Variants in ATXN1 observed in about 807,000 individuals in gnomAD.
ATXN1 encodes the protein ataxin 1, also known as ataxin-1.
Under a neutral mutation model 56.4 loss-of-function variants are expected in ATXN1, and 8 were observed. The observed-to-expected ratio is 0.14, with a 90% confidence interval of 0.08 to 0.26. The LOEUF (loss-of-function observed/expected upper bound fraction) is 0.26, where lower values mean the gene tolerates loss of function less well. Ranked by LOEUF, ATXN1 falls within the 10% of genes least tolerant of loss-of-function variation. ATXN1 has a pLI of 1.00. For synonymous variants in ATXN1, 514 were observed against 494.6 expected (o/e 1.04, Z -0.52); for missense variants, 987 against 1,106.5 (o/e 0.89, Z 1.53).
At chr6:16,448,834 A>G (rs953224294) in intron 6 of ATXN1, among the ~76,000 whole-genome samples, 1 of 152,220 alleles carries the variant, frequency 6.6e-6, no homozygotes, top group African/African-American at 2.4e-5. Context: ...AGCAGAGATC[A>G]AGCTTTTTTG....
At chr6:16,584,662 A>G (rs1183165905) in intron 4 of ATXN1, among the ~76,000 whole-genome samples, 2 of 148,396 alleles carry the variant, frequency 1.3e-5, no homozygotes, top group South Asian at 4.2e-4. Flanking sequence ...CCCAAAATAC[A>G]TGGAAACACC....
intron 6 of ATXN1, among the ~76,000 whole-genome samples, chr6:16,402,928 C>T (rs528718206): frequency 7.2e-5 from 11 of 152,202 alleles, no homozygotes; most frequent in African/African-American, 2.2e-4. Context: ...TTCACGAACT[C>T]CAAAACCTTC....
chr6:16,591,141 G>A (rs1163530031), intron 3 of ATXN1, among the ~76,000 whole-genome samples: 1 of 151,906 alleles, frequency 6.6e-6, no homozygotes, highest in Non-Finnish European at 1.5e-5. Flanking sequence ...TTTTTTAGTA[G>A]AGACAGGGTC....
At chr6:16,635,213 T>C (rs1274971369) in intron 3 of ATXN1, among the ~76,000 whole-genome samples, 2 of 152,216 alleles carry the variant, frequency 1.3e-5, no homozygotes, top group East Asian at 3.8e-4. Context: ...CCTGATGATC[T>C]GTCACTGTCT....
At chr6:16,516,138 A>G (rs192827578) in intron 5 of ATXN1, among the ~76,000 whole-genome samples, 4 of 152,294 alleles carry the variant, frequency 2.6e-5, no homozygotes, top group Middle Eastern at 6.8e-3. Flanking sequence ...CACCATAGCT[A>G]ATTAATGTTA....
At chr6:16,627,656 G>C (rs1016197228) in intron 3 of ATXN1, among the ~76,000 whole-genome samples, 2 of 152,162 alleles carry the variant, frequency 1.3e-5, no homozygotes, top group Non-Finnish European at 2.9e-5. Context: ...GAACCTGGGA[G>C]GCAGAGGCTG....
chr6:16,437,894 C>A (rs1759426598), intron 6 of ATXN1, among the ~76,000 whole-genome samples: 1 of 152,160 alleles, frequency 6.6e-6, no homozygotes, highest in African/African-American at 2.4e-5. Flanking sequence ...GAAGAGGGTG[C>A]CACACTAATT....
intron 2 of ATXN1, among the ~76,000 whole-genome samples, chr6:16,690,241 C>T (rs1223619799): frequency 6.6e-6 from 1 of 151,942 alleles, no homozygotes; most frequent in Non-Finnish European, 1.5e-5. Context: ...ACTGTTTTTG[C>T]TCTGATTGGG....
intron 6 of ATXN1, among the ~76,000 whole-genome samples, chr6:16,429,389 C>A (rs1409366913): frequency 1.4e-4 from 11 of 79,162 alleles, no homozygotes; most frequent in East Asian, 8.4e-4. Flanking sequence ...AAAAAAAAAA[C>A]AACCAGTAGC....
chr6:16,584,261 C>A (rs1028892653), intron 4 of ATXN1, among the ~76,000 whole-genome samples: 1 of 108,640 alleles, frequency 9.2e-6, no homozygotes, highest in Non-Finnish European at 2.2e-5. Context: ...CACACACACA[C>A]ACACACACAC....
intron 2 of ATXN1, among the ~76,000 whole-genome samples, chr6:16,680,033 T>C (rs1177758242): frequency 6.6e-6 from 1 of 152,234 alleles, no homozygotes; most frequent in African/African-American, 2.4e-5. Context: ...GTCAAGTAAG[T>C]GTCAAAAATT....
intron 6 of ATXN1, among the ~76,000 whole-genome samples, chr6:16,412,040 G>A (rs1450036065): frequency 6.6e-6 from 1 of 152,174 alleles, no homozygotes; most frequent in Non-Finnish European, 1.5e-5. Flanking sequence ...ATGAAGTACT[G>A]TATAGGCTTG....
chr6:16,313,750 G>A (rs1760451240), intron 7 of ATXN1, among the ~76,000 whole-genome samples: 1 of 151,876 alleles, frequency 6.6e-6, no homozygotes, highest in Non-Finnish European at 1.5e-5. Flanking sequence ...TAGACACGGG[G>A]TTTCATTCAC....
At chr6:16,516,051 C>T (rs985199926) in intron 5 of ATXN1, among the ~76,000 whole-genome samples, 26 of 152,230 alleles carry the variant, frequency 1.7e-4, no homozygotes, top group African/African-American at 6.3e-4. Context: ...CAATGTCTGG[C>T]AGGCCGGGGC....
At chr6:16,580,223 G>A (rs1345463907) in intron 4 of ATXN1, among the ~76,000 whole-genome samples, 1 of 152,198 alleles carries the variant, frequency 6.6e-6, no homozygotes, top group Non-Finnish European at 1.5e-5. Flanking sequence ...GGAACTGGAT[G>A]TTCATTTTCT....
chr6:16,380,591 G>A (rs1758081242), intron 6 of ATXN1, among the ~76,000 whole-genome samples: 2 of 152,002 alleles, frequency 1.3e-5, no homozygotes, highest in Non-Finnish European at 2.9e-5. Flanking sequence ...CTCTTAAGTG[G>A]GTGTAGAAGC....
intron 2 of ATXN1, chr6:16,738,070 T>G (rs1265763473): frequency 6.6e-6 from 1 of 152,192 alleles, no homozygotes; most frequent in African/African-American, 2.4e-5. Context: ...CTTAATGTAC[T>G]TGGAAAACCT....
chr6:16,660,746 C>T (rs1758300230), intron 2 of ATXN1, among the ~76,000 whole-genome samples: 1 of 148,218 alleles, frequency 6.7e-6, no homozygotes, highest in African/African-American at 2.5e-5. Flanking sequence ...AAAAATGCAA[C>T]AATTAGACAC....
At chr6:16,367,607 C>T (rs1761950616) in intron 6 of ATXN1, among the ~76,000 whole-genome samples, 1 of 152,108 alleles carries the variant, frequency 6.6e-6, no homozygotes, top group Non-Finnish European at 1.5e-5. Flanking sequence ...GTTGCTTACC[C>T]CAATATCCCA....
Sources: gnomAD v4.1 joint callset for allele counts (sites outside exome capture counted in the v4.1 genomes callset) on GRCh38, gnomAD v4.1.1 for gene constraint, MANE v1.5 for transcripts, NCBI Gene and HGNC (gene_info 2026-07-23, HGNC 2026-07-21) for gene names.